Variants in PPL observed in about 807,000 individuals in gnomAD.
PPL encodes 190 kDa paraneoplastic pemphigus antigen.
A neutral mutation model predicts 194.4 loss-of-function variants in PPL; 198 were observed. The ratio of observed to expected loss-of-function variants is 1.02; its 90% CI spans 0.91 to 1.15. PPL has a LOEUF of 1.15. Ranked by LOEUF, PPL falls within the 50% of genes most tolerant of loss-of-function variation. The pLI, the probability that PPL is intolerant of heterozygous loss-of-function variation, is 0.00. For missense variants in PPL, 2,885 were observed against 2,294.8 expected, an observed-to-expected ratio of 1.26 and a Z score of -5.25; for synonymous variants, 1,220 against 972.4, an observed-to-expected ratio of 1.25 and a Z score of -4.74.
At chr16:4,893,824 C>T (rs2088367195) in intron 12 of PPL, 186 bp from the exon 13 acceptor site, 2 of 583,380 alleles carry the variant, frequency 3.4e-6, no homozygotes, top group South Asian at 4.2e-5. Flanking sequence ...TCTTCTCCCT[C>T]CTTCCCTCCT....
At chr16:4,892,241 G>A in intron 14 of PPL, 28 bp from the exon 15 acceptor site, 1 of 1,597,098 alleles carries the variant, frequency 6.3e-7, no homozygotes, top group Non-Finnish European at 8.6e-7. Context: ...CCTCAGTTTT[G>A]GACACAGCCA....
intron 2 of PPL, among the ~76,000 whole-genome samples, chr16:4,904,682 G>A (rs1487805234): frequency 1.3e-5 from 2 of 152,314 alleles, no homozygotes; most frequent in Non-Finnish European, 2.9e-5. Flanking sequence ...AACAGGGCAG[G>A]CGGGGGGCGG....
At chr16:4,896,015 A>G (rs2088420763) in intron 9 of PPL, among the ~76,000 whole-genome samples, 1 of 152,242 alleles carries the variant, frequency 6.6e-6, no homozygotes, top group Non-Finnish European at 1.5e-5. Context: ...TCTTTGATTC[A>G]GTTCCTCTCT....
chr16:4,909,603 T>C (rs563700284), intron 2 of PPL, among the ~76,000 whole-genome samples: 6 of 152,004 alleles, frequency 3.9e-5, no homozygotes, highest in African/African-American at 1.4e-4. Flanking sequence ...ATTGTTGTAT[T>C]TTTAGTAGAG....
In PPL at chr16:4,890,300, C is replaced by G. The variant is rs367924372; in HGVS notation, c.2197G>C (p.Glu733Gln). The change falls in exon 18 of 22, where the codon GAG becomes CAG. Residue 733 changes from glutamate to glutamine, a missense_variant. By Grantham distance (29) the Glu-to-Gln change is conservative. Transcript: ENST00000345988. ...QSLQSAKAAY[E>Q]HFHRGHDHVL... ...TGGTCATGGCCGCGGTGGAAGTGCTCGTAGGCTGCCTTGGCGCTCTGTAGG... is the reference window on the plus strand; with the variant it reads ...TGGTCATGGCCGCGGTGGAAGTGCTGGTAGGCTGCCTTGGCGCTCTGTAGG... 18 of 1,613,922 alleles carry G rather than the reference C, an allele frequency of 1.1e-5. No individual in the cohort carries two copies. The African/African-American group carries it at 1.7e-4, about 16-fold the overall frequency.
At chr16:4,897,653 G>A (rs775727954) in intron 9 of PPL, 22 bp downstream of exon 9, 1 of 1,593,036 alleles carries the variant, frequency 6.3e-7, no homozygotes, top group Non-Finnish European at 8.6e-7. Context: ...GTGCTGGGGG[G>A]ACTCCCAGGA....
chr16:4,883,903 C>T lies in PPL; in HGVS notation c.4752G>A (p.Ser1584=), dbSNP rs368589947. The change falls in exon 22 of 22, where the codon TCG becomes TCA. Residue 1584 remains serine (S), a synonymous_variant. Transcript: ENST00000345988. This position sits in a 1 kb window ranked among gnomAD's most constrained non-coding sequence, Gnocchi z 4.8. ...TTTCCGTCGCTGCCATGTTGATTTC[C>T]GATTGGAGCCTTCGGGTCTCCAGCT... is the stretch of plus-strand genomic sequence containing the variant. ...NLQLETRRLQ[S]EINMAATETR... is the part of the protein sequence containing the mutation. 4.7e-5 allele frequency: 76 copies of T among 1,613,888 alleles called. 1 individual carries two copies. Among genetic ancestry groups the T allele is most frequent in the Non-Finnish European group, 5.8e-5 (69 of 1,180,028 alleles).
chr16:4,937,085 G>C lies in PPL; in HGVS notation c.-40C>G, dbSNP rs780591032. The stretch of plus-strand genomic sequence containing the variant: ...TGCGGGCGGCGGCGGCTGGCGGGCC[G>C]GGCGCGCACCGAGGGGCGGGCGGGA... On this transcript the variant is annotated 5_prime_UTR_variant, in exon 1 of 22. Coordinates refer to ENST00000345988, the MANE Select transcript of PPL (RefSeq NM_002705.5). The C allele has an allele frequency of 1.3e-4, 159 of 1,255,038 alleles. No homozygotes were observed. The highest frequency in any genetic ancestry group is 1.6e-4 in the Non-Finnish European group (155 of 995,406). The allele number at this position is 1,255,038 out of a possible 1,614,324, so 77.7% of individuals were successfully genotyped here.
chr16:4,899,989 A>G (rs2088526343), intron 6 of PPL, among the ~76,000 whole-genome samples: 1 of 152,152 alleles, frequency 6.6e-6, no homozygotes, highest in Non-Finnish European at 1.5e-5. Flanking sequence ...AAGCGACCCT[A>G]TGAGACAGGA....
chr16:4,917,080 T>A (rs2088934378), intron 1 of PPL, among the ~76,000 whole-genome samples: 1 of 151,780 alleles, frequency 6.6e-6, no homozygotes, highest in Non-Finnish European at 1.5e-5. Context: ...TGCAATGAGC[T>A]GAGATGGCGC....
intron 1 of PPL, among the ~76,000 whole-genome samples, chr16:4,920,294 G>T (rs1431066814): frequency 7.5e-6 from 1 of 133,394 alleles, no homozygotes; most frequent in African/African-American, 2.7e-5. Flanking sequence ...AAAAAAGAAA[G>T]AAAGAAAGAA....
At chr16:4,933,160 C>G (rs2089247683) in intron 1 of PPL, among the ~76,000 whole-genome samples, 1 of 152,118 alleles carries the variant, frequency 6.6e-6, no homozygotes, top group African/African-American at 2.4e-5. Context: ...CACCCCCATG[C>G]CCAGCTAATA....
At chr16:4,930,004 T>C (rs566751196) in intron 1 of PPL, among the ~76,000 whole-genome samples, 1 of 152,188 alleles carries the variant, frequency 6.6e-6, no homozygotes, top group African/African-American at 2.4e-5. Context: ...TTCCAATACA[T>C]AGACACATCT....
chr16:4,899,057 C>T lies in PPL; in HGVS notation c.832G>A (p.Asp278Asn), dbSNP rs763239987. The change falls in exon 8 of 22, where the codon GAC becomes AAC. Residue 278 changes from aspartate (D) to asparagine (N), a missense_variant. By Grantham distance (23) the Asp-to-Asn change is conservative. Transcript: ENST00000345988. ...ERINKLHSEGDQLLAAEHPGR... is the reference protein window; with the variant it reads ...ERINKLHSEGNQLLAAEHPGR... ...GGGTGCTCGGCCGCCAGCAGCTGGT[C>T]GCCCTCGCTGTGCAGTTTGTTGATT... The T allele has an allele frequency of 3.5e-5, 56 of 1,609,548 alleles. No homozygotes were observed. The highest frequency in any genetic ancestry group is 1.6e-4 in the African/African-American group (12 of 74,808).
At chr16:4,916,689 A>G (rs1417256764) in intron 1 of PPL, among the ~76,000 whole-genome samples, 3 of 149,662 alleles carry the variant, frequency 2.0e-5, no homozygotes, top group East Asian at 3.9e-4. Flanking sequence ...TTTTTTTCAG[A>G]GAGGGAGGTT....
intron 9 of PPL, 56 bp downstream of exon 9, chr16:4,897,619 C>T (rs1012205557): frequency 3.1e-5 from 43 of 1,393,764 alleles, no homozygotes; most frequent in African/African-American, 8.5e-5. Flanking sequence ...AGGCACTGAG[C>T]GCTCTCAGAG....
chr16:4,889,245 T>TTTTTTTTG, intron 18 of PPL, among the ~76,000 whole-genome samples, 184 bp from the exon 19 acceptor site: 1 of 20,914 alleles, frequency 4.8e-5, no homozygotes, highest in East Asian at 2.4e-3. Flanking sequence ...GTTGTTGTTT[T>TTTTTTTTG]TTTTTTTTTT....
chr16:4,888,162 C>G lies in PPL; in HGVS notation c.2454G>C (p.Arg818Ser). Residue 818 changes from arginine to serine, a missense_variant, in exon 20 of 22, where the codon AGG becomes AGC. Coordinates refer to ENST00000345988, the MANE Select transcript of PPL (RefSeq NM_002705.5). ...LRSLLDLENGRRSHVSKRARL... is the reference protein window; with the variant it reads ...LRSLLDLENGSRSHVSKRARL... ...TGGCTCTCTTGCTCACGTGGCTTCT[C>G]CTTCCATTCTCCAAGTCGAGAAGAG... 1.2e-6 allele frequency: 2 copies of G among 1,613,888 alleles called. No homozygotes were observed. Among genetic ancestry groups the G allele is most frequent in the Non-Finnish European group, 1.7e-6 (2 of 1,179,794 alleles).
intron 21 of PPL, 54 bp from the exon 22 acceptor site, chr16:4,886,101 G>C: frequency 1.2e-6 from 2 of 1,609,070 alleles, no homozygotes; most frequent in South Asian, 1.1e-5. Flanking sequence ...AGCACATGTA[G>C]GGCCTGTCCC....
Sources: gnomAD v4.1 joint callset for allele counts (sites outside exome capture counted in the v4.1 genomes callset) on GRCh38, gnomAD v4.1.1 for gene constraint, Gnocchi (gnomAD v3.1) non-coding constraint, MANE v1.5 for transcripts, NCBI Gene and HGNC (gene_info 2026-07-23, HGNC 2026-07-21) for gene names.